The following FADS2 variants were observed in gnomAD, a reference collection of about 807,000 sequenced individuals.
FADS2 encodes fatty acid desaturase 2.
A neutral mutation model predicts 61.2 loss-of-function variants in FADS2; 18 were observed. That is an observed-to-expected ratio of 0.29 (90% CI 0.20 to 0.44). FADS2 has a LOEUF of 0.44. Ranked by LOEUF, FADS2 falls within the 20% of genes least tolerant of loss-of-function variation. FADS2 has a pLI of 1.00. For missense variants in FADS2, 322 were observed against 572.7 expected, an observed-to-expected ratio of 0.56 and a Z score of 4.47; for synonymous variants, 203 against 223.9, an observed-to-expected ratio of 0.91 and a Z score of 0.83.
At chr11:61,818,997 A>G (rs1375134950) in intron 1 of FADS2, among the ~76,000 whole-genome samples, 1 of 151,950 alleles carries the variant, frequency 6.6e-6, no homozygotes, top group East Asian at 1.9e-4. Flanking sequence ...TAGCCTCCCA[A>G]GTAGCTGGGA....
rs568832238 is a variant in FADS2, at chr11:61,865,111, C to T, written c.1158-41C>T. ...GGGAGGAAGCGGGAGCAGCATGGCC[C>T]TCTGAGTCCTCACGCTCTGCCCACC... is the stretch of plus-strand genomic sequence containing the variant. On this transcript the variant is annotated intron_variant, in intron 10 of 11. Transcript: ENST00000278840. The surrounding 1 kb of genome is among the most constrained non-coding windows in gnomAD (Gnocchi z 4.1). 1 of 1,591,752 alleles carries T rather than the reference C, an allele frequency of 6.3e-7. No individual in the cohort carries two copies. Among genetic ancestry groups the T allele is most frequent in the Admixed American group, 1.7e-5 (1 of 59,124 alleles).
chr11:61,840,489 G>A lies in FADS2; in HGVS notation c.474G>A (p.Trp158Ter). Residue 158 changes from tryptophan to a stop codon, truncating the protein, a stop_gained, in exon 3 of 12, where the codon TGG (tryptophan) becomes TGA (stop). Coordinates refer to ENST00000278840, the MANE Select transcript of FADS2 (RefSeq NM_004265.4). LOFTEE classifies it high-confidence loss of function. The part of the protein sequence containing the change: ...WFTVFYFGNG[W>*]IPTLITAFVL... ...CTGTCTTTTACTTTGGCAATGGCTG[G>A]ATTCCTACCCTCATCACGGCCTTTG... 6.2e-7 allele frequency: 1 copy of A among 1,614,202 alleles called. No homozygotes were observed. The highest frequency in any genetic ancestry group is 2.2e-5 in the East Asian group (1 of 44,892).
Position 61,866,185 on chromosome 11 carries a change from C to A in FADS2, c.*496C>A, listed in dbSNP as rs1320105529. The A allele has an allele frequency of 7.5e-6, 3 of 397,420 alleles. No individual in the cohort carries two copies. In the East Asian group the frequency reaches 1.1e-4, roughly 14 times the overall value. 24.6% of individuals were successfully genotyped at this position (397,420 alleles called of 1,614,324 possible). The stretch of plus-strand genomic sequence containing the variant: ...CTGGCTTCACTCTCCCTGACGGCTG[C>A]CATTGGTCCACCCTTTCATAGAGAG... On this transcript the variant is annotated 3_prime_UTR_variant, in exon 12 of 12. Coordinates refer to ENST00000278840, the MANE Select transcript of FADS2 (RefSeq NM_004265.4).
At chr11:61,818,612 A>G (rs531160195) in intron 1 of FADS2, among the ~76,000 whole-genome samples, 1 of 152,330 alleles carries the variant, frequency 6.6e-6, no homozygotes, top group South Asian at 2.1e-4. Flanking sequence ...TTAAAGAATG[A>G]TTTTAAATGG....
At chr11:61,862,843 T>C (rs1317025233) in intron 7 of FADS2, 129 bp from the exon 8 acceptor site, 12 of 731,616 alleles carry the variant, frequency 1.6e-5, no homozygotes, top group Admixed American at 1.0e-4. Context: ...TAGTTGCCCA[T>C]TGCATTTCAG....
chr11:61,820,131 A>G (rs986849108), intron 1 of FADS2, among the ~76,000 whole-genome samples: 8 of 151,986 alleles, frequency 5.3e-5, no homozygotes, highest in African/African-American at 1.9e-4. Context: ...CCTGGGCAAC[A>G]TGGTGAGACT....
chr11:61,827,886 G>A, upstream of FADS2: 1 of 278,666 alleles, frequency 3.6e-6, no homozygotes, highest in Non-Finnish European at 5.5e-6. This position sits in a 1 kb window ranked among gnomAD's most constrained non-coding sequence, Gnocchi z 4.5. Flanking sequence ...GCGGGAGGGC[G>A]GGGGAGCCGG....
chr11:61,824,445 AGGGAGGGAGG>A (rs1565325215), upstream of FADS2, among the ~76,000 whole-genome samples: 2 of 3,562 alleles, frequency 5.6e-4, no homozygotes, highest in African/African-American at 1.4e-3. Flanking sequence ...GGAGGGAGGG[AGGGAGGGAGG>A]GAGGGAGAGA....
At position 61,828,591 on chromosome 11, in the gene FADS2, T is replaced by C. The variant is rs1382342617; in HGVS notation, c.201T>C (p.Asp67=). ...TCATCGGGCACTACGCTGGAGAAGA[T>C]GCAACGGTAAGGGTCTGGGGGCGCC... is the stretch of plus-strand genomic sequence containing the variant. The part of the protein sequence containing the change: ...QRVIGHYAGE[D]ATDAFRAFHP... Residue 67 remains aspartate (D), a synonymous_variant, in exon 1 of 12, where the codon GAT becomes GAC. Transcript: ENST00000278840. This position sits in a 1 kb window ranked among gnomAD's most constrained non-coding sequence, Gnocchi z 6.4. 3 of 1,613,346 alleles carry C rather than the reference T, an allele frequency of 1.9e-6. No individual in the cohort carries two copies. The highest frequency in any genetic ancestry group is 2.5e-6 in the Non-Finnish European group (3 of 1,179,782).
chr11:61,846,422 TTCTCTCTC>T (rs982023766), intron 4 of FADS2, among the ~76,000 whole-genome samples: 1 of 142,472 alleles, frequency 7.0e-6, no homozygotes, highest in Non-Finnish European at 1.5e-5. Context: ...TTTTTTTTTT[TTCTCTCTC>T]TCTCTCTCTC....
chr11:61,842,751 C>T (rs1263832814), intron 4 of FADS2, among the ~76,000 whole-genome samples: 1 of 152,206 alleles, frequency 6.6e-6, no homozygotes, highest in Non-Finnish European at 1.5e-5. Flanking sequence ...CCCCAGAGCA[C>T]GGAGGTCAAG....
At position 61,867,292 on chromosome 11, in the gene FADS2, T is replaced by G. The variant is rs572120852; in HGVS notation, c.*1603T>G. 1 of 151,898 alleles carries G rather than the reference T, an allele frequency of 6.6e-6. No homozygotes were observed. The highest frequency in any genetic ancestry group is 2.1e-4 in the South Asian group (1 of 4,812). 9.4% of individuals were successfully genotyped at this position (151,898 alleles called of 1,614,324 possible). ...TGAACCCATAGGGAGCTGATCGTAA[T>G]GTTTATCATGTTACTTCCCCACCCC... On this transcript the variant is annotated 3_prime_UTR_variant, in exon 12 of 12. Transcript: ENST00000278840.
Position 61,839,208 on chromosome 11 carries a change from T to C in FADS2, c.319-1126T>C, listed in dbSNP as rs559466680. On this transcript the variant is annotated intron_variant, in intron 2 of 11. Transcript: ENST00000278840. ...TCCTGCCTGCCTCAGCTCGCCCTCC[T>C]GCGCTAGTTTGTGTCGCCCCCAACT... Among the ~76,000 whole-genome samples the C allele has an allele frequency of 3.3e-5, 5 of 152,280 alleles. No individual in the cohort carries two copies. In the South Asian group the frequency reaches 1.0e-3, roughly 32 times the overall value.
Position 61,840,708 on chromosome 11 carries a change from G to A in FADS2, c.601G>A (p.Val201Ile), listed in dbSNP as rs760024702. ...GTGGAACCACCTTGTCCACAAATTCGTCATTGGCCACTTAAAGGTAAGTGT... is the reference window on the plus strand; with the variant it reads ...GTGGAACCACCTTGTCCACAAATTCATCATTGGCCACTTAAAGGTAAGTGT... ...PKWNHLVHKF[V>I]IGHLKGASAN... Residue 201 changes from valine to isoleucine, a missense_variant, in exon 4 of 12, where the codon GTC (valine) becomes ATC (isoleucine). Physicochemically the swap from Val to Ile is conservative, Grantham distance 29. Around this residue, in one of 3 missense-constraint regions of FADS2, gnomAD observed 221 missense variants for 427.9 expected, o/e 0.52. Transcript: ENST00000278840. 3.2e-5 allele frequency: 51 copies of A among 1,613,796 alleles called. No individual in the cohort carries two copies. Among genetic ancestry groups the A allele is most frequent in the Middle Eastern group, 3.3e-4 (2 of 6,082 alleles).
At chr11:61,855,170 G>C (rs2067345374) in intron 5 of FADS2, 2 of 152,514 alleles carry the variant, frequency 1.3e-5, no homozygotes, top group African/African-American at 4.8e-5. Context: ...CTGCTGACCT[G>C]CCTGGGTTGC....
intron 4 of FADS2, among the ~76,000 whole-genome samples, chr11:61,844,653 C>T (rs902298060): frequency 2.7e-5 from 4 of 149,154 alleles, no homozygotes; most frequent in Admixed American, 6.7e-5. Flanking sequence ...AGGCCAGGCG[C>T]GGTGGCTCAC....
intron 9 of FADS2, 69 bp from the exon 10 acceptor site, chr11:61,863,638 C>A (rs1162570716): frequency 4.4e-6 from 6 of 1,359,068 alleles, no homozygotes; most frequent in East Asian, 2.3e-5. Context: ...TAAGGCTGGG[C>A]CCCCTGGGAA....
chr11:61,862,849 T>C, intron 7 of FADS2, 123 bp from the exon 8 acceptor site: 4 of 760,776 alleles, frequency 5.3e-6, no homozygotes, highest in South Asian at 3.1e-5. Context: ...CCCATTGCAT[T>C]TCAGTGGGCT....
rs916368710 is a variant in FADS2, at chr11:61,845,515, C to T, written c.619-2644C>T. Among the ~76,000 whole-genome samples the T allele has an allele frequency of 4.6e-5, 7 of 152,076 alleles. No homozygotes were observed. The South Asian group carries it at 8.3e-4, about 18-fold the overall frequency. On this transcript the variant is annotated intron_variant, in intron 4 of 11. Coordinates refer to ENST00000278840, the MANE Select transcript of FADS2 (RefSeq NM_004265.4). ...GGCAAAGAAGAATGGAAGAGAGGCCCGGTGCGGTGGGTTATGCCTGTAATC... is the reference window on the plus strand; with the variant it reads ...GGCAAAGAAGAATGGAAGAGAGGCCTGGTGCGGTGGGTTATGCCTGTAATC...
Sources: gnomAD v4.1 joint callset for allele counts (sites outside exome capture counted in the v4.1 genomes callset) on GRCh38, gnomAD v4.1.1 for gene constraint, gnomAD v4.1.1 regional missense constraint, Gnocchi (gnomAD v3.1) non-coding constraint, MANE v1.5 for transcripts, NCBI Gene and HGNC (gene_info 2026-07-23, HGNC 2026-07-21) for gene names.